AOPEP: variants seen among roughly 807,000 people sequenced by gnomAD.
AOPEP encodes the protein aminopeptidase O.
In AOPEP, 77 loss-of-function variants were observed where a neutral mutation model predicts 98.1. The observed-to-expected ratio is 0.78, with a 90% CI of 0.65 to 0.95. The LOEUF (loss-of-function observed/expected upper bound fraction) is 0.95. Among genes scored for constraint, AOPEP ranks in the 40% least tolerant of loss-of-function variants. AOPEP has a pLI of 0.00. For missense variants in AOPEP, 1,024 were observed against 1,024.7 expected (o/e 1.00, Z 0.01); for synonymous variants, 346 against 365.3 (o/e 0.95, Z 0.60).
At chr9:95,138,916 T>C in the AOPEP span, among the ~76,000 whole-genome samples, 1 of 152,256 alleles carries the variant, frequency 6.6e-6, no homozygotes, top group African/African-American at 2.4e-5. Context: ...ATTAGAGCCT[T>C]GATTCAGAGC....
chr9:94,816,063 G>C (rs1392059472), intron 5 of AOPEP, among the ~76,000 whole-genome samples: 1 of 152,138 alleles, frequency 6.6e-6, no homozygotes, highest in East Asian at 1.9e-4. Flanking sequence ...GGTGACCCTG[G>C]AACAAAGCTT....
intron 3 of AOPEP, among the ~76,000 whole-genome samples, chr9:94,790,729 G>T (rs544786239): frequency 2.0e-5 from 3 of 152,186 alleles, no homozygotes; most frequent in South Asian, 4.2e-4. Context: ...AACCATGCAC[G>T]TGGAGATCAA....
At chr9:94,781,571 A>G (rs1483149651) in intron 3 of AOPEP, among the ~76,000 whole-genome samples, 1 of 142,830 alleles carries the variant, frequency 7.0e-6, no homozygotes, top group African/African-American at 2.6e-5. Context: ...TAATTAATTA[A>G]TTTTTTTGAG....
At chr9:94,773,849 T>C (rs933509136) in intron 3 of AOPEP, among the ~76,000 whole-genome samples, 1 of 152,170 alleles carries the variant, frequency 6.6e-6, no homozygotes, top group Non-Finnish European at 1.5e-5. Context: ...CACCGTGGCC[T>C]TGACCTGCCA....
intron 14 of AOPEP, among the ~76,000 whole-genome samples, chr9:95,068,063 C>T (rs2068094475): frequency 6.6e-6 from 1 of 152,134 alleles, no homozygotes; most frequent in Admixed American, 6.6e-5. Flanking sequence ...GGATGGATGG[C>T]ATTTGTTGAT....
intron 6 of AOPEP, among the ~76,000 whole-genome samples, chr9:94,927,184 C>T (rs949816245): frequency 1.1e-4 from 17 of 152,116 alleles, no homozygotes; most frequent in Non-Finnish European, 2.2e-4. Flanking sequence ...AGAGAAAGTA[C>T]GCTCTGTTGG....
intron 7 of AOPEP, among the ~76,000 whole-genome samples, chr9:94,936,809 G>A (rs1297717648): frequency 6.6e-6 from 1 of 152,156 alleles, no homozygotes; most frequent in African/African-American, 2.4e-5. Flanking sequence ...TCCCATGGCT[G>A]GCACGTTGGG....
rs559610137 is a variant in AOPEP at position 94,957,459 on chromosome 9, T to C, written c.1872+1444T>C. Among the ~76,000 whole-genome samples the C allele has an allele frequency of 3.3e-5, 5 of 152,306 alleles. No homozygotes were observed. The East Asian group carries it at 7.7e-4, about 24-fold the overall frequency. ...CTGACTTCAGGTGATCTGCCCACCT[T>C]GGCCTCCTAAAGTCCTGGGATTACA... On this transcript the variant is annotated intron_variant, in intron 9 of 16. Coordinates refer to ENST00000375315, the MANE Select transcript of AOPEP (RefSeq NM_001193329.3).
intron 13 of AOPEP, among the ~76,000 whole-genome samples, chr9:95,057,418 C>T (rs984365716): frequency 1.9e-4 from 29 of 152,234 alleles, no homozygotes; most frequent in African/African-American, 4.3e-4. Context: ...TCGTACCACC[C>T]GGTGCTGCCT....
At chr9:95,110,836 T>G in the AOPEP span, 7 of 1,168,456 alleles carry the variant, frequency 6.0e-6, no homozygotes, top group Non-Finnish European at 6.4e-6. Flanking sequence ...CCTGTAATTA[T>G]TATATTCCAC....
Position 94,940,376 on chromosome 9 carries a change from C to T in AOPEP, c.1661+11845C>T, listed in dbSNP as rs971866608. Among the ~76,000 whole-genome samples the T allele has an allele frequency of 1.1e-4, 16 of 152,206 alleles. 1 individual carries two copies. The South Asian group carries it at 1.5e-3, about 14-fold the overall frequency. ...ATCTCAGCACTTTGAGAGGCCGAGGCGGGCAGATCACTTGAGGTCAGGAGT... is the reference window on the plus strand; with the variant it reads ...ATCTCAGCACTTTGAGAGGCCGAGGTGGGCAGATCACTTGAGGTCAGGAGT... On this transcript the variant is annotated intron_variant, in intron 7 of 16. Coordinates refer to ENST00000375315, the MANE Select transcript of AOPEP (RefSeq NM_001193329.3).
intron 5 of AOPEP, among the ~76,000 whole-genome samples, chr9:94,806,313 T>C (rs1376023707): frequency 6.6e-6 from 1 of 152,248 alleles, no homozygotes; most frequent in East Asian, 1.9e-4. Context: ...ATTTTCTTTC[T>C]GCATGGATTG....
At chr9:94,840,817 C>G (rs998605056) in intron 5 of AOPEP, among the ~76,000 whole-genome samples, 42 of 151,638 alleles carry the variant, frequency 2.8e-4, no homozygotes, top group African/African-American at 9.9e-4. Flanking sequence ...TTTTAAATGT[C>G]TTCATGGTTT....
chr9:95,084,447 C>T (rs73654510), intron 16 of AOPEP, among the ~76,000 whole-genome samples: 2,368 of 152,316 alleles, frequency 0.016, 61 homozygotes, highest in African/African-American at 0.054. Flanking sequence ...GGCTCCCCTC[C>T]AGGACGGGCT....
At chr9:94,920,541 C>T (rs955565966) in intron 5 of AOPEP, among the ~76,000 whole-genome samples, 1 of 152,150 alleles carries the variant, frequency 6.6e-6, no homozygotes, top group Admixed American at 6.5e-5. Context: ...CAAGATGGGC[C>T]GTGCTGGTCA....
chr9:95,108,780 T>C, the AOPEP span, among the ~76,000 whole-genome samples: 4 of 152,252 alleles, frequency 2.6e-5, no homozygotes, highest in Admixed American at 2.6e-4. Context: ...TATATACTTC[T>C]TGTCTTTTTT....
chr9:95,007,910 G>C (rs1020195958), intron 13 of AOPEP, among the ~76,000 whole-genome samples: 3 of 152,192 alleles, frequency 2.0e-5, no homozygotes, highest in Admixed American at 2.0e-4. Flanking sequence ...CCTGTTATTA[G>C]TAGGAGCCGA....
intron 2 of AOPEP, among the ~76,000 whole-genome samples, chr9:94,764,792 A>T (rs1839178018): frequency 6.6e-6 from 1 of 152,214 alleles, no homozygotes; most frequent in Non-Finnish European, 1.5e-5. Context: ...TACTAATATA[A>T]GATGCCAGTA....
At chr9:94,737,304 C>G (rs1832007795) in intron 1 of AOPEP, among the ~76,000 whole-genome samples, 1 of 151,996 alleles carries the variant, frequency 6.6e-6, no homozygotes, top group South Asian at 2.1e-4. Flanking sequence ...AGATGGGGGT[C>G]TTGCTATATT....
Sources: gnomAD v4.1 joint callset for allele counts (sites outside exome capture counted in the v4.1 genomes callset) on GRCh38, gnomAD v4.1.1 for gene constraint, MANE v1.5 for transcripts, NCBI Gene and HGNC (gene_info 2026-07-23, HGNC 2026-07-21) for gene names.